Variants in ADARB1 observed in about 807,000 individuals in gnomAD.
The protein encoded by ADARB1 is adenosine deaminase RNA specific B1, also known as double-stranded RNA-specific editase 1.
A neutral mutation model predicts 52.4 loss-of-function variants in ADARB1; 10 were observed. The ratio of observed to expected loss-of-function variants is 0.19; its 90% CI spans 0.12 to 0.32. ADARB1 has a LOEUF of 0.32. Ranked by LOEUF, ADARB1 falls within the 10% of genes least tolerant of loss-of-function variation. The pLI, the probability that ADARB1 is intolerant of heterozygous loss-of-function variation, is 1.00. For synonymous variants in ADARB1, 349 were observed against 371.1 expected, an observed-to-expected ratio of 0.94 and a Z score of 0.68; for missense variants, 643 against 922.3, an observed-to-expected ratio of 0.70 and a Z score of 3.92.
chr21:45,224,450 G>C lies in ADARB1; in HGVS notation c.*2253G>C. ...AGGGCACCCTATCCCAAGCCGTCCA[G>C]GCAGGAGGAAGGCAGCCAAGGCAAC... On this transcript the variant is annotated 3_prime_UTR_variant, in exon 11 of 11. Coordinates refer to ENST00000348831, the MANE Select transcript of ADARB1 (RefSeq NM_001112.4). 2 of 879,062 alleles carry C rather than the reference G, an allele frequency of 2.3e-6. No individual in the cohort carries two copies. The highest frequency in any genetic ancestry group is 2.6e-6 in the Non-Finnish European group (2 of 781,750). 54.5% of individuals were successfully genotyped at this position (879,062 alleles called of 1,614,324 possible). A position where few individuals can be genotyped will look rare whatever the true frequency, so the allele number is the denominator to read the frequency against.
At chr21:45,212,768 T>C (rs1281366631) in intron 9 of ADARB1, among the ~76,000 whole-genome samples, 1 of 152,108 alleles carries the variant, frequency 6.6e-6, no homozygotes, top group Non-Finnish European at 1.5e-5. Context: ...AAAAGTATTT[T>C]ACTTACAAAC....
chr21:45,075,771 A>AATTATTTTTG (rs2085907947), intron 1 of ADARB1, among the ~76,000 whole-genome samples: 1 of 152,206 alleles, frequency 6.6e-6, no homozygotes, highest in South Asian at 2.1e-4. Context: ...CGTGGTGTTT[A>AATTATTTTTG]GTTCCCAGTT....
intron 2 of ADARB1, among the ~76,000 whole-genome samples, chr21:45,141,959 G>A (rs995218809): frequency 2.6e-5 from 4 of 151,318 alleles, no homozygotes; most frequent in Non-Finnish European, 4.4e-5. Context: ...CCATTTGTGG[G>A]TCACCTTACC....
At chr21:45,123,274 C>CGTGT (rs10647195) in intron 1 of ADARB1, among the ~76,000 whole-genome samples, 7,242 of 149,016 alleles carry the variant, frequency 0.049, 180 homozygotes, top group Middle Eastern at 0.087. Context: ...ATATATACTA[C>CGTGT]GTGTGTGTGT....
chr21:45,190,628 A>G (rs1187545013), intron 8 of ADARB1, among the ~76,000 whole-genome samples: 1 of 72,666 alleles, frequency 1.4e-5, no homozygotes, highest in African/African-American at 3.7e-5. Context: ...CAAGCTGGCT[A>G]AAAAATCTAG....
intron 2 of ADARB1, among the ~76,000 whole-genome samples, chr21:45,143,672 T>C (rs2089855957): frequency 6.6e-6 from 1 of 152,246 alleles, no homozygotes; most frequent in Admixed American, 6.5e-5. Flanking sequence ...ACTGTGCTGC[T>C]GTCAGACTGG....
chr21:45,103,263 C>T (rs2087104870), intron 1 of ADARB1, among the ~76,000 whole-genome samples: 1 of 152,038 alleles, frequency 6.6e-6, no homozygotes, highest in Non-Finnish European at 1.5e-5. Context: ...AGTCCTCAAC[C>T]TTTTTGGCAC....
chr21:45,118,434 T>G (rs1007707254), intron 1 of ADARB1: 3 of 152,254 alleles, frequency 2.0e-5, no homozygotes, highest in African/African-American at 7.2e-5. Flanking sequence ...ACTTCTTGGG[T>G]TTTTGCACGT....
intron 1 of ADARB1, among the ~76,000 whole-genome samples, chr21:45,082,567 A>G (rs2086194932): frequency 6.6e-6 from 1 of 152,222 alleles, no homozygotes; most frequent in South Asian, 2.1e-4. Context: ...ACATTCTTGT[A>G]GGAGGTCTCA....
At chr21:45,147,605 T>C (rs2090069770) in intron 2 of ADARB1, among the ~76,000 whole-genome samples, 1 of 152,226 alleles carries the variant, frequency 6.6e-6, no homozygotes, top group African/African-American at 2.4e-5. Flanking sequence ...ATGGGTCATC[T>C]TATCTGTCTC....
chr21:45,191,728 T>C (rs1179340912), intron 8 of ADARB1, among the ~76,000 whole-genome samples: 1 of 151,318 alleles, frequency 6.6e-6, no homozygotes, highest in East Asian at 1.9e-4. Flanking sequence ...ATTGTTCTTA[T>C]CTGATTTTGG....
intron 8 of ADARB1, among the ~76,000 whole-genome samples, chr21:45,190,649 G>A (rs909765487): frequency 6.6e-6 from 1 of 152,284 alleles, no homozygotes; most frequent in Admixed American, 6.5e-5. Context: ...GACCTCTTAT[G>A]CTTTTTCTGA....
chr21:45,184,452 T>A, intron 7 of ADARB1: 1 of 208,242 alleles, frequency 4.8e-6, no homozygotes, highest in Non-Finnish European at 1.0e-5. Context: ...CATATAATTT[T>A]TTTTTTTTTT....
intron 2 of ADARB1, chr21:45,134,811 A>T (rs1224703073): frequency 1.9e-6 from 1 of 534,028 alleles, no homozygotes; most frequent in Admixed American, 1.9e-5. Context: ...GATCCCGAGG[A>T]TGAAGACGCC....
rs969568235 is a variant in ADARB1 at position 45,212,555 on chromosome 21, C to G, written c.1747+7819C>G. Among the ~76,000 whole-genome samples, 7 of 152,106 alleles carry G rather than the reference C, an allele frequency of 4.6e-5. 1 individual carries two copies. The South Asian group carries it at 1.4e-3, about 31-fold the overall frequency. The stretch of plus-strand genomic sequence containing the variant: ...GGAAGACATGAGGCTCCTACCAGTG[C>G]CTGTGATGAGGCCAGCCCAGCCCTG... On this transcript the variant is annotated intron_variant, in intron 9 of 10. Transcript: ENST00000348831.
chr21:45,145,978 C>T (rs1292083849), intron 2 of ADARB1: 1 of 152,250 alleles, frequency 6.6e-6, no homozygotes, highest in African/African-American at 2.4e-5. Flanking sequence ...GCTGTGGACT[C>T]CTCACTAGGA....
At position 45,208,420 on chromosome 21, in the gene ADARB1, A is replaced by G. The variant is rs779096041; in HGVS notation, c.1747+3684A>G. Reference sequence around the variant, plus strand: ...CTTGCATTTAGGTATCTCTGGGAGGACAGCACAGGGACCCAAGGGGGCTGG... The same window carrying G: ...CTTGCATTTAGGTATCTCTGGGAGGGCAGCACAGGGACCCAAGGGGGCTGG... On this transcript the variant is annotated intron_variant, in intron 9 of 10. Coordinates refer to ENST00000348831, the MANE Select transcript of ADARB1 (RefSeq NM_001112.4). This position sits in a 1 kb window ranked among gnomAD's most constrained non-coding sequence, Gnocchi z 5.6. Among the ~76,000 whole-genome samples the G allele has an allele frequency of 6.6e-6, 1 of 152,150 alleles. No individual in the cohort carries two copies. The highest frequency in any genetic ancestry group is 1.5e-5 in the Non-Finnish European group (1 of 68,034).
At position 45,175,812 on chromosome 21, in the gene ADARB1, G is replaced by A. The variant is rs2091670608; in HGVS notation, c.111G>A (p.Glu37=). 32 of 1,614,082 alleles carry A rather than the reference G, an allele frequency of 2.0e-5. No individual in the cohort carries two copies. Among genetic ancestry groups the A allele is most frequent in the Non-Finnish European group, 2.6e-5 (31 of 1,180,044 alleles). Residue 37 remains glutamate (E), a synonymous_variant, in exon 4 of 11, where the codon GAG becomes GAA. Transcript: ENST00000348831. The part of the protein sequence containing the change: ...PKDGSTPGPG[E]GSQLSNGGGG... ...ATGGCAGCACACCTGGGCCTGGCGAGGGCTCTCAGCTCTCCAATGGGGGTG... is the reference window on the plus strand; with the variant it reads ...ATGGCAGCACACCTGGGCCTGGCGAAGGCTCTCAGCTCTCCAATGGGGGTG...
intron 8 of ADARB1, among the ~76,000 whole-genome samples, chr21:45,201,237 G>C (rs368973853): frequency 6.6e-6 from 1 of 152,158 alleles, no homozygotes; most frequent in Non-Finnish European, 1.5e-5. Flanking sequence ...GGCGCTAGGC[G>C]ATTTCATCCT....
Sources: allele counts gnomAD v4.1 joint callset (sites outside exome capture counted in the v4.1 genomes callset), GRCh38; gene constraint gnomAD v4.1.1; non-coding constraint Gnocchi (gnomAD v3.1); transcripts MANE v1.5; gene names NCBI Gene and HGNC (gene_info 2026-07-23, HGNC 2026-07-21).